The following TBC1D32 variants were observed in gnomAD, a reference collection of about 807,000 sequenced individuals.
TBC1D32 encodes protein broad-minded.
In TBC1D32, 151 loss-of-function variants were observed where a neutral mutation model predicts 170.3. That is an observed-to-expected ratio of 0.89 (90% CI 0.78 to 1.01). The LOEUF is 1.01. Ranked by LOEUF, TBC1D32 falls within the 50% of genes least tolerant of loss-of-function variation. The pLI, the probability that TBC1D32 is intolerant of heterozygous loss-of-function variation, is 0.00. For missense variants in TBC1D32, 1,464 were observed against 1,457.1 expected (o/e 1.00, Z -0.08); for synonymous variants, 498 against 488.0 (o/e 1.02, Z -0.27).
At chr6:121,103,711 T>C (rs746058560) in intron 30 of TBC1D32, among the ~76,000 whole-genome samples, 1 of 152,034 alleles carries the variant, frequency 6.6e-6, no homozygotes, top group Non-Finnish European at 1.5e-5. Context: ...TGTGCACATG[T>C]ACCCTAGAAC....
At chr6:121,320,216 G>GA (rs200601919) in intron 2 of TBC1D32, among the ~76,000 whole-genome samples, 7,082 of 73,498 alleles carry the variant, frequency 0.096, 336 homozygotes, top group East Asian at 0.21. Flanking sequence ...AAAAGAAAAA[G>GA]AAAAAAAAAA....
chr6:121,204,994 C>T, intron 22 of TBC1D32, 81 bp downstream of exon 22: 1 of 764,122 alleles, frequency 1.3e-6, no homozygotes, highest in African/African-American at 1.9e-5. Flanking sequence ...ATTTTAAATA[C>T]TTTTTTAAAG....
At chr6:121,299,342 T>C in intron 10 of TBC1D32, 104 bp downstream of exon 10, 1 of 1,266,626 alleles carries the variant, frequency 7.9e-7, no homozygotes, top group Non-Finnish European at 1.1e-6. Context: ...TGCTTCATTA[T>C]CCAATATTAA....
chr6:121,312,620 C>T (rs1402325884), intron 3 of TBC1D32, among the ~76,000 whole-genome samples: 3 of 152,138 alleles, frequency 2.0e-5, no homozygotes, highest in Admixed American at 1.3e-4. Context: ...AGCTAAGGAA[C>T]CAGCTTGGTA....
chr6:121,332,774 G>A (rs901736122), intron 1 of TBC1D32, among the ~76,000 whole-genome samples: 30 of 152,040 alleles, frequency 2.0e-4, no homozygotes, highest in African/African-American at 6.3e-4. Context: ...TAAATCTGTA[G>A]CTAACCAGTA....
chr6:121,321,334 CAAGACCACAGTGGCT>C (rs1398682679), intron 2 of TBC1D32, among the ~76,000 whole-genome samples: 1 of 152,098 alleles, frequency 6.6e-6, no homozygotes, highest in Non-Finnish European at 1.5e-5. Context: ...AAAGAGCAGG[CAAGACCACAGTGGCT>C]AGAGCAGTAT....
chr6:121,191,851 C>T (rs1373150499), intron 22 of TBC1D32, among the ~76,000 whole-genome samples: 7 of 151,838 alleles, frequency 4.6e-5, no homozygotes, highest in East Asian at 1.9e-4. Context: ...CAGCTGCCAG[C>T]GAACACAAAG....
intron 22 of TBC1D32, among the ~76,000 whole-genome samples, chr6:121,178,072 G>A (rs1788007109): frequency 6.6e-6 from 1 of 152,208 alleles, no homozygotes; most frequent in Non-Finnish European, 1.5e-5. Flanking sequence ...GGCAAGGGAA[G>A]AAGTGCCAGC....
chr6:121,198,239 A>ATATATTATATATATATATAAT lies in TBC1D32; in HGVS notation c.2570+6835_2570+6836insATTATATATATATATAATATA, dbSNP rs1791058784. 1.3e-4 allele frequency among the ~76,000 whole-genome samples: 3 copies of ATATATTATATATATATATAAT among 23,010 alleles called. No individual in the cohort carries two copies. In the Non-Finnish European group the frequency reaches 2.7e-3, roughly 21 times the overall value. The allele number at this position is 23,010 out of a possible 152,430, so 15.1% of individuals were successfully genotyped here. A position where few individuals can be genotyped will look rare whatever the true frequency, so the allele number is the denominator to read the frequency against. On this transcript the variant is annotated intron_variant, in intron 22 of 31. Transcript: ENST00000398212. ...ATATGTGTGTATAATATATATAAAT[A>ATATATTATATATATATATAAT]TATATATTATATATATATATAATAT...
intron 20 of TBC1D32, among the ~76,000 whole-genome samples, chr6:121,225,448 G>A (rs1794953346): frequency 6.6e-6 from 1 of 151,788 alleles, no homozygotes; most frequent in Admixed American, 6.6e-5. Context: ...TTACAAAAAA[G>A]CCTTTTAAAA....
intron 30 of TBC1D32, among the ~76,000 whole-genome samples, chr6:121,100,465 T>C (rs1562479411): frequency 6.6e-6 from 1 of 151,942 alleles, no homozygotes; most frequent in Non-Finnish European, 1.5e-5. Context: ...ATTGGGTGCA[T>C]ATATATTTAG....
intron 15 of TBC1D32, among the ~76,000 whole-genome samples, chr6:121,259,406 A>G (rs1041730461): frequency 2.6e-5 from 4 of 152,152 alleles, no homozygotes; most frequent in Non-Finnish European, 5.9e-5. Flanking sequence ...ACACTTAAAT[A>G]GGGTTAAGTG....
Position 121,320,786 on chromosome 6 carries a change from T to C in TBC1D32, c.317+847A>G, listed in dbSNP as rs180782480. On this transcript the variant is annotated intron_variant, in intron 2 of 31. Transcript: ENST00000398212. ...TTTTTAAAGTTTACCTAATTAAAAG[T>C]AAATTAGATTTAATACTTTAAAATA... Among the ~76,000 whole-genome samples the C allele has an allele frequency of 9.3e-4, 141 of 152,340 alleles. 1 individual carries two copies. Among genetic ancestry groups the C allele is most frequent in the African/African-American group, 3.2e-3 (135 of 41,598 alleles).
chr6:121,257,869 T>A (rs1799250325), intron 15 of TBC1D32, among the ~76,000 whole-genome samples: 1 of 152,118 alleles, frequency 6.6e-6, no homozygotes, highest in South Asian at 2.1e-4. Context: ...AGATAGCTTC[T>A]AAAATGGTAA....
At chr6:121,083,014 G>A (rs148663704) in intron 31 of TBC1D32, among the ~76,000 whole-genome samples, 168 of 152,066 alleles carry the variant, frequency 1.1e-3, no homozygotes, top group African/African-American at 3.9e-3. Flanking sequence ...TGTCTTCAAA[G>A]TAGAACATTT....
intron 30 of TBC1D32, among the ~76,000 whole-genome samples, chr6:121,103,635 A>G: frequency 6.6e-6 from 1 of 151,174 alleles, no homozygotes; most frequent in Non-Finnish European, 1.5e-5. Flanking sequence ...CCTAATGTAA[A>G]TGACGAGTTA....
chr6:121,157,001 T>C (rs1784984329), intron 24 of TBC1D32, among the ~76,000 whole-genome samples: 1 of 152,114 alleles, frequency 6.6e-6, no homozygotes, highest in Non-Finnish European at 1.5e-5. Flanking sequence ...AGGTGGAGTA[T>C]TCTTTGGATA....
At chr6:121,247,373 A>G (rs990479251) in intron 17 of TBC1D32, among the ~76,000 whole-genome samples, 1 of 152,044 alleles carries the variant, frequency 6.6e-6, no homozygotes, top group African/African-American at 2.4e-5. Context: ...GAACCTCCAA[A>G]GGCATAAATC....
rs1301597266 is a variant in TBC1D32, at chr6:121,161,071, A to G, written c.2571-15T>C. The stretch of plus-strand genomic sequence containing the variant: ...TTATAAAGTCCCTGAAAAAATAAAT[A>G]TATCACCTTTGTCATCCTTTTGATT... On this transcript the variant is annotated splice_polypyrimidine_tract_variant and intron_variant, in intron 22 of 31. Coordinates refer to ENST00000398212, the MANE Select transcript of TBC1D32 (RefSeq NM_152730.6). The G allele has an allele frequency of 1.9e-6, 3 of 1,564,632 alleles. No homozygotes were observed. Among genetic ancestry groups the G allele is most frequent in the East Asian group, 2.3e-5 (1 of 44,392 alleles).
Sources: gnomAD v4.1 joint callset for allele counts (sites outside exome capture counted in the v4.1 genomes callset) on GRCh38, gnomAD v4.1.1 for gene constraint, MANE v1.5 for transcripts, NCBI Gene and HGNC (gene_info 2026-07-23, HGNC 2026-07-21) for gene names.